Variants in VPS54 observed in about 807,000 individuals in gnomAD.
The protein encoded by VPS54 is VPS54 subunit of GARP complex.
Under a neutral mutation model 121.5 loss-of-function variants are expected in VPS54, and 45 were observed. The ratio of observed to expected loss-of-function variants is 0.37; its 90% confidence interval spans 0.29 to 0.47. VPS54 has a LOEUF of 0.47. VPS54 is among the 20% of genes least tolerant of loss of function. The pLI, the probability that VPS54 is intolerant of heterozygous loss-of-function variation, is 0.99. For missense variants in VPS54, 1,090 were observed against 1,131.4 expected, an observed-to-expected ratio of 0.96 and a Z score of 0.52; for synonymous variants, 371 against 385.8, an observed-to-expected ratio of 0.96 and a Z score of 0.45.
intron 11 of VPS54, among the ~76,000 whole-genome samples, chr2:63,942,228 T>C (rs1339088721): frequency 6.6e-6 from 1 of 152,018 alleles, no homozygotes; most frequent in African/African-American, 2.4e-5. Context: ...GTATAATATT[T>C]AATGTAAAGT....
intron 15 of VPS54, among the ~76,000 whole-genome samples, chr2:63,917,750 T>G (rs1445616163): frequency 6.6e-6 from 1 of 152,000 alleles, no homozygotes; most frequent in African/African-American, 2.4e-5. Context: ...TTCTCTATAT[T>G]ACAGAGAAGT....
chr2:63,937,986 T>C (rs2104497528), intron 11 of VPS54, among the ~76,000 whole-genome samples: 1 of 151,500 alleles, frequency 6.6e-6, no homozygotes, highest in East Asian at 1.9e-4. Context: ...GTCAAACTCA[T>C]AGAGACAGAA....
intron 3 of VPS54, among the ~76,000 whole-genome samples, chr2:63,978,389 T>C (rs752669049): frequency 2.6e-5 from 4 of 152,142 alleles, no homozygotes; most frequent in Non-Finnish European, 5.9e-5. Context: ...CACTCTCAGA[T>C]TTCAGTGCCT....
At chr2:63,964,616 T>A (rs1675907367) in intron 6 of VPS54, among the ~76,000 whole-genome samples, 1 of 152,304 alleles carries the variant, frequency 6.6e-6, no homozygotes, top group East Asian at 1.9e-4. Flanking sequence ...AAAAACCTTT[T>A]TATAGGTGAC....
intron 11 of VPS54, among the ~76,000 whole-genome samples, chr2:63,940,264 A>G (rs994176532): frequency 8.5e-5 from 13 of 152,198 alleles, no homozygotes; most frequent in African/African-American, 3.1e-4. Flanking sequence ...AATTAACATT[A>G]TTTTTCAGTG....
rs140084641 is a variant in VPS54, at chr2:63,893,502, T to G, written c.2862A>C (p.Gly954=). The change falls in exon 23 of 23, where the codon GGA becomes GGC. Residue 954 remains glycine, a synonymous_variant. Transcript: ENST00000272322. Reference sequence around the variant, plus strand: ...TAAGGCCTTTTAAGGCTTGAAGATTTCCAGTGTAAAAAGCTACATCTGCTG... The same window carrying G: ...TAAGGCCTTTTAAGGCTTGAAGATTGCCAGTGTAAAAAGCTACATCTGCTG... ...LVTADVAFYT[G]NLQALKGLKD... is the part of the protein sequence containing the mutation. 8.3e-4 allele frequency: 1,344 copies of G among 1,613,936 alleles called. 2 individuals carry two copies. Among genetic ancestry groups the G allele is most frequent in the Non-Finnish European group, 9.7e-4 (1,149 of 1,179,970 alleles).
At position 63,942,480 on chromosome 2, in the gene VPS54, GA is replaced by G; in HGVS notation, c.1382del (p.Phe461SerfsTer5). On this transcript the variant is annotated frameshift_variant, in exon 11 of 23. Coordinates refer to ENST00000272322, the MANE Select transcript of VPS54 (RefSeq NM_016516.3). LOFTEE classifies it high-confidence loss of function. Reference sequence around the variant, plus strand: ...ATAAGCTTACCTTCACTCTCTGTAGGAAAATTGTAAACTTAGAGAAAATATC... The same window carrying G: ...ATAAGCTTACCTTCACTCTCTGTAGGAAATTGTAAACTTAGAGAAAATATC... Reference protein sequence around the residue: ...LKDIFSKFTIFLQRVKATLNI... With the variant: ...LKDIFSKFTIXLQRVKATLNI... The G allele has an allele frequency of 6.3e-7, 1 of 1,591,112 alleles. No individual in the cohort carries two copies. Among genetic ancestry groups the G allele is most frequent in the Admixed American group, 1.7e-5 (1 of 57,234 alleles).
At chr2:63,955,275 A>C (rs1675440156) in intron 7 of VPS54, among the ~76,000 whole-genome samples, 1 of 152,168 alleles carries the variant, frequency 6.6e-6, no homozygotes, top group Non-Finnish European at 1.5e-5. Flanking sequence ...TTTAAAAAAA[A>C]ACAGTGACAG....
Position 63,914,701 on chromosome 2 carries a change from A to G in VPS54, c.2229-414T>C, listed in dbSNP as rs184144215. 2.5e-3 allele frequency among the ~76,000 whole-genome samples: 382 copies of G among 152,264 alleles called. 2 individuals carry two copies. The highest frequency in any genetic ancestry group is 9.0e-3 in the African/African-American group (376 of 41,562). On this transcript the variant is annotated intron_variant, in intron 16 of 22. Transcript: ENST00000272322. ...GCCTATCCAGTGTTTCTGATTACCA[A>G]CATAGTAGGTCCTCCATCATAACTA...
At chr2:63,914,119 G>C in intron 17 of VPS54, 63 bp downstream of exon 17, 1 of 1,285,136 alleles carries the variant, frequency 7.8e-7, no homozygotes, top group South Asian at 1.2e-5. Context: ...GTTAAGATTA[G>C]TCACACCCTA....
intron 1 of VPS54, among the ~76,000 whole-genome samples, chr2:64,002,308 A>G (rs1303490925): frequency 6.6e-6 from 1 of 152,176 alleles, no homozygotes; most frequent in Admixed American, 6.5e-5. Flanking sequence ...AGGTTCTGTG[A>G]GTGCTCACCT....
Position 63,893,370 on chromosome 2 carries a change from T to C in VPS54, c.*60A>G. On this transcript the variant is annotated 3_prime_UTR_variant, in exon 23 of 23. Transcript: ENST00000272322. ...AATTCTCGAATCACAGGCATCCAGATTTTCTTCATAACAAACACATCCCAT... is the reference window on the plus strand; with the variant it reads ...AATTCTCGAATCACAGGCATCCAGACTTTCTTCATAACAAACACATCCCAT... 7.0e-7 allele frequency: 1 copy of C among 1,437,210 alleles called. No individual in the cohort carries two copies. The highest frequency in any genetic ancestry group is 9.8e-7 in the Non-Finnish European group (1 of 1,019,066). 89.0% of individuals were successfully genotyped at this position (1,437,210 alleles called of 1,614,324 possible).
At chr2:63,941,098 G>A (rs6708611) in intron 11 of VPS54, among the ~76,000 whole-genome samples, 23,308 of 152,240 alleles carry the variant, frequency 0.15, 2,287 homozygotes, top group Middle Eastern at 0.26. Flanking sequence ...AGGAGATGCT[G>A]GGGATGTTAA....
intron 1 of VPS54, among the ~76,000 whole-genome samples, chr2:64,005,304 C>T (rs950128842): frequency 2.7e-4 from 41 of 150,172 alleles, no homozygotes; most frequent in African/African-American, 9.8e-4. Context: ...GGGGTTTCAC[C>T]GTGTTAGCCA....
At chr2:64,008,596 T>C (rs916393062) in intron 1 of VPS54, among the ~76,000 whole-genome samples, 3 of 152,102 alleles carry the variant, frequency 2.0e-5, no homozygotes, top group Non-Finnish European at 4.4e-5. Context: ...CAGGACTTTG[T>C]CAGTCAACAG....
chr2:63,972,480 A>G (rs1423828880), intron 3 of VPS54, among the ~76,000 whole-genome samples: 1 of 152,232 alleles, frequency 6.6e-6, no homozygotes, highest in Non-Finnish European at 1.5e-5. Flanking sequence ...TAATTATAGT[A>G]AAATCTCCAT....
chr2:63,944,259 T>C (rs937346827), intron 10 of VPS54, among the ~76,000 whole-genome samples: 2 of 152,176 alleles, frequency 1.3e-5, no homozygotes, highest in African/African-American at 2.4e-5. Context: ...GAAGCTAACA[T>C]GTGGGCCTGG....
At chr2:63,990,858 C>T (rs976151965) in intron 1 of VPS54, among the ~76,000 whole-genome samples, 1 of 152,134 alleles carries the variant, frequency 6.6e-6, no homozygotes, top group Admixed American at 6.5e-5. Flanking sequence ...TTTAAGGATG[C>T]TTGTACTCAG....
intron 1 of VPS54, among the ~76,000 whole-genome samples, chr2:63,993,416 T>A (rs970747367): frequency 1.3e-5 from 2 of 152,162 alleles, no homozygotes; most frequent in African/African-American, 4.8e-5. Flanking sequence ...AGTACAGCCG[T>A]TTCAGCCTTT....
Sources: allele counts gnomAD v4.1 joint callset (sites outside exome capture counted in the v4.1 genomes callset), GRCh38; gene constraint gnomAD v4.1.1; transcripts MANE v1.5; gene names NCBI Gene and HGNC (gene_info 2026-07-23, HGNC 2026-07-21).